GRID1: variants seen among roughly 807,000 people sequenced by gnomAD.
GRID1 encodes glutamate ionotropic receptor delta type subunit 1, also known as glutamate receptor ionotropic, delta-1.
A neutral mutation model predicts 98.0 loss-of-function variants in GRID1; 28 were observed. That is an observed-to-expected ratio of 0.29 (90% CI 0.21 to 0.39). GRID1 has a LOEUF of 0.39. GRID1 is among the 10% of genes least tolerant of loss of function. The probability of loss-of-function intolerance (pLI) is 1.00; values close to 1 mark genes in which losing one functional copy is unlikely to be tolerated. For missense variants in GRID1, 1,111 were observed against 1,340.5 expected, an observed-to-expected ratio of 0.83 and a Z score of 2.67; for synonymous variants, 553 against 538.5, an observed-to-expected ratio of 1.03 and a Z score of -0.37.
At chr10:86,319,413 GC>G (rs1033746195) in intron 2 of GRID1, among the ~76,000 whole-genome samples, 1 of 152,196 alleles carries the variant, frequency 6.6e-6, no homozygotes, top group Non-Finnish European at 1.5e-5. Context: ...GAGAGGTTAA[GC>G]AGCTCATCCC....
At position 85,627,743 on chromosome 10, in the gene GRID1, T is replaced by A. The variant is rs150366682; in HGVS notation, c.2194-7710A>T. ...ACCCTACTGTCTCAGGGGCTAAGAATTGTTTCCTAAAAGGAAGGTTGGGAG... is the reference window on the plus strand; with the variant it reads ...ACCCTACTGTCTCAGGGGCTAAGAAATGTTTCCTAAAAGGAAGGTTGGGAG... On this transcript the variant is annotated intron_variant, in intron 13 of 15. Transcript: ENST00000327946. Among the ~76,000 whole-genome samples the A allele has an allele frequency of 1.8e-4, 27 of 152,260 alleles. No individual in the cohort carries two copies. The East Asian group carries it at 3.9e-3, about 22-fold the overall frequency.
At chr10:86,296,784 CACATACATACATACATACAT>C (rs3061904) in intron 2 of GRID1, among the ~76,000 whole-genome samples, 4,487 of 150,704 alleles carry the variant, frequency 0.03, 125 homozygotes, top group African/African-American at 0.078. Flanking sequence ...CATACATACA[CACATACATACATACATACAT>C]ACATACATAC....
rs74500349 is a variant in GRID1 at position 86,024,418 on chromosome 10, C to A, written c.727-108179G>T. Among the ~76,000 whole-genome samples the A allele has an allele frequency of 2.8e-3, 428 of 152,290 alleles. 3 individuals carry two copies. Among genetic ancestry groups the A allele is most frequent in the African/African-American group, 9.5e-3 (395 of 41,576 alleles). ...TCTGTCGCTCTCATCTGTCACACAT[C>A]AAGTGAGAAAAGATCTATTTTTTCC... On this transcript the variant is annotated intron_variant, in intron 4 of 15. Coordinates refer to ENST00000327946, the MANE Select transcript of GRID1 (RefSeq NM_017551.3).
rs574326245 is a variant in GRID1, at chr10:85,788,799, G to A, written c.1234-59185C>T. ...TCAAGTCCTTCGCAGATGAGTTGCT[G>A]AGCACCAGACTGCACCAGCCAGGAG... On this transcript the variant is annotated intron_variant, in intron 8 of 15. Transcript: ENST00000327946. 1.3e-4 allele frequency among the ~76,000 whole-genome samples: 20 copies of A among 152,348 alleles called. No individual in the cohort carries two copies. In the East Asian group the frequency reaches 3.9e-3, roughly 29 times the overall value.
At chr10:85,771,153 G>A (rs1489322931) in intron 8 of GRID1, among the ~76,000 whole-genome samples, 1 of 152,226 alleles carries the variant, frequency 6.6e-6, no homozygotes, top group Non-Finnish European at 1.5e-5. Flanking sequence ...CCAGAAGAGA[G>A]TGGGGGCCAA....
intron 4 of GRID1, among the ~76,000 whole-genome samples, chr10:86,130,960 G>T (rs914803476): frequency 3.9e-5 from 6 of 152,096 alleles, no homozygotes; most frequent in African/African-American, 1.4e-4. Context: ...TAAGGAGCAA[G>T]CAGCCAAACA....
At chr10:85,898,024 T>TTGTGAGAA (rs1841319072) in intron 5 of GRID1, among the ~76,000 whole-genome samples, 1 of 152,164 alleles carries the variant, frequency 6.6e-6, no homozygotes, top group Non-Finnish European at 1.5e-5. Context: ...GATTGTGTCA[T>TTGTGAGAA]TGTGAGAACA....
chr10:85,940,066 CAAAA>C (rs34122685), intron 4 of GRID1, among the ~76,000 whole-genome samples: 7,359 of 99,314 alleles, frequency 0.074, 201 homozygotes, highest in Middle Eastern at 0.14. Flanking sequence ...GACTCCCTCT[CAAAA>C]AAAAAAAAAA....
Position 86,167,801 on chromosome 10 carries a change from C to T in GRID1, c.521-28777G>A, listed in dbSNP as rs554325599. Reference sequence around the variant, plus strand: ...TCTCACAGAAGCACCAGACTCAGCTCGGGCAGCTACCACCTAGGATTCCTG... The same window carrying T: ...TCTCACAGAAGCACCAGACTCAGCTTGGGCAGCTACCACCTAGGATTCCTG... On this transcript the variant is annotated intron_variant, in intron 3 of 15. Coordinates refer to ENST00000327946, the MANE Select transcript of GRID1 (RefSeq NM_017551.3). 2.6e-5 allele frequency among the ~76,000 whole-genome samples: 4 copies of T among 152,286 alleles called. No homozygotes were observed. In the South Asian group the frequency reaches 6.2e-4, roughly 24 times the overall value.
chr10:86,079,379 G>A (rs1050283579), intron 4 of GRID1, among the ~76,000 whole-genome samples: 5 of 152,164 alleles, frequency 3.3e-5, no homozygotes, highest in African/African-American at 4.8e-5. Flanking sequence ...GGCTGCCTGC[G>A]AGTCCCTGGG....
chr10:85,856,419 A>G (rs947289888), intron 6 of GRID1, among the ~76,000 whole-genome samples: 22 of 152,322 alleles, frequency 1.4e-4, no homozygotes, highest in African/African-American at 5.3e-4. Context: ...TGGGATGTGC[A>G]TGTGTACATC....
intron 4 of GRID1, among the ~76,000 whole-genome samples, chr10:86,026,112 T>A (rs1414075351): frequency 6.6e-6 from 1 of 152,224 alleles, no homozygotes; most frequent in East Asian, 1.9e-4. Flanking sequence ...TTGATGATAA[T>A]TCGCTCCAAC....
chr10:86,311,480 G>A (rs867760209), intron 2 of GRID1, among the ~76,000 whole-genome samples: 9 of 152,196 alleles, frequency 5.9e-5, no homozygotes, highest in Admixed American at 1.3e-4. Context: ...CAAAGCCTGA[G>A]GGAGTTACTG....
intron 4 of GRID1, among the ~76,000 whole-genome samples, chr10:86,077,152 C>G (rs372268487): frequency 0.064 from 8,895 of 137,914 alleles, 592 homozygotes; most frequent in South Asian, 0.1. Flanking sequence ...GTGAGTTGAG[C>G]TGGACTCTCC....
intron 2 of GRID1, among the ~76,000 whole-genome samples, chr10:86,267,629 G>A (rs892742888): frequency 3.9e-5 from 6 of 152,150 alleles, no homozygotes; most frequent in Non-Finnish European, 7.3e-5. Context: ...AGGCAGTTCC[G>A]AGTGCCCACC....
At chr10:86,025,411 A>T (rs1305381590) in intron 4 of GRID1, among the ~76,000 whole-genome samples, 1 of 151,962 alleles carries the variant, frequency 6.6e-6, no homozygotes, top group Non-Finnish European at 1.5e-5. Context: ...GACTCACTTG[A>T]CTCCTCACTT....
intron 4 of GRID1, among the ~76,000 whole-genome samples, chr10:85,995,021 AC>A (rs1191668320): frequency 6.6e-6 from 1 of 152,230 alleles, no homozygotes; most frequent in Non-Finnish European, 1.5e-5. Context: ...TTTTAAAGGC[AC>A]ATAGTTGAGT....
intron 4 of GRID1, among the ~76,000 whole-genome samples, chr10:86,053,444 G>C (rs190823453): frequency 6.6e-6 from 1 of 151,266 alleles, no homozygotes; most frequent in Non-Finnish European, 1.5e-5. Context: ...TGCAACCTCC[G>C]CCTCCCTGGT....
chr10:86,128,782 A>C (rs922944317), intron 4 of GRID1, among the ~76,000 whole-genome samples: 4 of 152,166 alleles, frequency 2.6e-5, no homozygotes, highest in African/African-American at 9.7e-5. Context: ...AACGCCCTTC[A>C]TGCCCATATC....
Sources: gnomAD v4.1 joint callset for allele counts (sites outside exome capture counted in the v4.1 genomes callset) on GRCh38, gnomAD v4.1.1 for gene constraint, MANE v1.5 for transcripts, NCBI Gene and HGNC (gene_info 2026-07-23, HGNC 2026-07-21) for gene names.